Variants in FANCD2 observed in about 807,000 individuals in gnomAD.
FANCD2 encodes FA complementation group D2, also known as Fanconi anemia group D2 protein.
In FANCD2, 131 loss-of-function variants were observed where a neutral mutation model predicts 192.3. The observed-to-expected ratio is 0.68, with a 90% CI of 0.59 to 0.79. FANCD2 has a LOEUF of 0.79. Among genes scored for constraint, FANCD2 ranks in the 30% least tolerant of loss-of-function variants. The pLI is 0.00. For missense variants in FANCD2, 1,508 were observed against 1,701.6 expected (o/e 0.89, Z 2.00); for synonymous variants, 524 against 612.5 (o/e 0.86, Z 2.13).
rs780286320 is a variant in FANCD2 at position 10,063,768 on chromosome 3, A to T, written c.1828-24A>T. Reference sequence around the variant, plus strand: ...GGAAAGATTGGCAGCCCAAGGTTTAAACCATTCTTCCTCTTTGCTCCAGGT... The same window carrying T: ...GGAAAGATTGGCAGCCCAAGGTTTATACCATTCTTCCTCTTTGCTCCAGGT... On this transcript the variant is annotated intron_variant, in intron 20 of 43. Transcript: ENST00000675286. 8.7e-6 allele frequency: 14 copies of T among 1,614,082 alleles called. No homozygotes were observed. In the South Asian group the frequency reaches 1.4e-4, roughly 16 times the overall value.
intron 15 of FANCD2, 42 bp from the exon 16 acceptor site, chr3:10,047,875 T>G: frequency 4.3e-6 from 7 of 1,611,144 alleles, no homozygotes; most frequent in Non-Finnish European, 5.9e-6. Flanking sequence ...TACTAACTGT[T>G]TCCTACAGCT....
At chr3:10,073,073 G>T (rs147420181) in intron 27 of FANCD2, 92 bp downstream of exon 27, 11 of 874,912 alleles carry the variant, frequency 1.3e-5, no homozygotes, top group African/African-American at 3.3e-5. Context: ...TCAGTAATTG[G>T]AACAATTGTA....
At position 10,029,777 on chromosome 3, in the gene FANCD2, C is replaced by CTTGTTG. The variant is rs373948218; in HGVS notation, c.64+1074_64+1079dup. Among the ~76,000 whole-genome samples the CTTGTTG allele has an allele frequency of 2.5e-4, 38 of 151,886 alleles. 1 individual carries two copies. In the East Asian group the frequency reaches 6.4e-3, roughly 26 times the overall value. Reference sequence around the variant, plus strand: ...AGTATCCAAAGTCCATTATATCATTCTTGTTGTTGTTGTTGTTGTTGTTTG... The same window carrying CTTGTTG: ...AGTATCCAAAGTCCATTATATCATTCTTGTTGTTGTTGTTGTTGTTGTTGTTGTTTG... On this transcript the variant is annotated intron_variant, in intron 2 of 43. Coordinates refer to ENST00000675286, the MANE Select transcript of FANCD2 (RefSeq NM_001018115.3).
rs1365024975 is a variant in FANCD2 at position 10,098,679 on chromosome 3, A to T, written c.4186-41A>T. On this transcript the variant is annotated intron_variant, in intron 42 of 43. Transcript: ENST00000675286. ...CTTCTCCCCTATTACCCTAAATGTG[A>T]TCATTATAACCCACCATTTTCTTGG... 3.1e-6 allele frequency: 5 copies of T among 1,610,644 alleles called. No individual in the cohort carries two copies. The African/African-American group carries it at 6.7e-5, about 22-fold the overall frequency.
At chr3:10,062,042 C>G (rs1485470004) in intron 19 of FANCD2, 109 bp from the exon 20 acceptor site, 1 of 716,642 alleles carries the variant, frequency 1.4e-6, no homozygotes, top group African/African-American at 1.8e-5. Flanking sequence ...ATGGGTGCAG[C>G]ACACCAACAT....
At chr3:10,041,827 A>T in intron 10 of FANCD2, 117 bp downstream of exon 10, 2 of 730,202 alleles carry the variant, frequency 2.7e-6, no homozygotes, top group Admixed American at 2.2e-5. Flanking sequence ...ATAGTGAATC[A>T]CATTTGATAT....
rs2125095695 is a variant in FANCD2, at chr3:10,096,477, G to T, written c.4185+5G>T. Reference sequence around the variant, plus strand: ...CTAAAAAACCGGGACTTGCAGGTAAGCCTTGGATCCTGCTAGTGATAATCC... The same window carrying T: ...CTAAAAAACCGGGACTTGCAGGTAATCCTTGGATCCTGCTAGTGATAATCC... On this transcript the variant is annotated splice_donor_5th_base_variant and intron_variant, in intron 42 of 43. Coordinates refer to ENST00000675286, the MANE Select transcript of FANCD2 (RefSeq NM_001018115.3). 1.2e-6 allele frequency: 2 copies of T among 1,613,754 alleles called. No individual in the cohort carries two copies. Among genetic ancestry groups the T allele is most frequent in the Non-Finnish European group, 1.7e-6 (2 of 1,179,690 alleles).
At chr3:10,066,870 G>A (rs1332540584) in intron 25 of FANCD2, among the ~76,000 whole-genome samples, 3 of 152,052 alleles carry the variant, frequency 2.0e-5, no homozygotes, top group Non-Finnish European at 2.9e-5. Flanking sequence ...GATTACAGAT[G>A]TGTGCCACCA....
chr3:10,080,017 C>T (rs1335543489), intron 30 of FANCD2, among the ~76,000 whole-genome samples: 1 of 148,034 alleles, frequency 6.8e-6, no homozygotes. Context: ...TGGGTTCAAG[C>T]GATTCTCCTG....
rs6780327 is a variant in FANCD2, at chr3:10,062,014, A to G, written c.1767-137A>G. On this transcript the variant is annotated intron_variant, in intron 19 of 43. Coordinates refer to ENST00000675286, the MANE Select transcript of FANCD2 (RefSeq NM_001018115.3). ...GGGATAGCATTAGGAGATATACTTA[A>G]TGCTAAATGACGAGTTAATGGGTGC... is the stretch of plus-strand genomic sequence containing the variant. 0.011 allele frequency: 5,986 copies of G among 569,734 alleles called. 306 individuals carry two copies. The highest frequency in any genetic ancestry group is 0.1 in the African/African-American group (5,409 of 51,824). 35.3% of individuals were successfully genotyped at this position (569,734 alleles called of 1,614,324 possible).
chr3:10,093,024 G>T (rs1281276148), intron 38 of FANCD2, among the ~76,000 whole-genome samples: 1 of 152,066 alleles, frequency 6.6e-6, no homozygotes, highest in Non-Finnish European at 1.5e-5. Flanking sequence ...TCAGATCAAG[G>T]TTTTGGACCT....
chr3:10,063,304 G>T (rs959204978), intron 20 of FANCD2, among the ~76,000 whole-genome samples: 6 of 152,046 alleles, frequency 3.9e-5, no homozygotes, highest in Admixed American at 1.3e-4. Context: ...GGACATGGTG[G>T]CAGGCGCCTG....
intron 35 of FANCD2, 28 bp from the exon 36 acceptor site, chr3:10,088,800 T>C (rs1413909810): frequency 1.2e-6 from 2 of 1,612,780 alleles, no homozygotes; most frequent in East Asian, 2.2e-5. Context: ...TGTTAATTAG[T>C]GGGTCAAATA....
At chr3:10,095,045 A>G (rs1375727575) in intron 40 of FANCD2, among the ~76,000 whole-genome samples, 155 bp from the exon 41 acceptor site, 5 of 152,242 alleles carry the variant, frequency 3.3e-5, no homozygotes, top group African/African-American at 1.2e-4. Flanking sequence ...GGTAGCTGCT[A>G]TTCCTCCTAT....
At chr3:10,066,130 A>G (rs1296594316) in intron 25 of FANCD2, 151 bp downstream of exon 25, 2 of 662,918 alleles carry the variant, frequency 3.0e-6, no homozygotes, top group Non-Finnish European at 5.5e-6. Context: ...CCCCAGTTAT[A>G]TGAACCTCCT....
chr3:10,081,135 C>G lies in FANCD2; in HGVS notation c.3012C>G (p.Leu1004=), dbSNP rs773625038. 3.0e-5 allele frequency: 49 copies of G among 1,614,016 alleles called. No homozygotes were observed. The highest frequency in any genetic ancestry group is 4.1e-5 in the Non-Finnish European group (48 of 1,180,016). The change falls in exon 31 of 44, where the codon CTC becomes CTG. Residue 1004 remains leucine, a synonymous_variant. Coordinates refer to ENST00000675286, the MANE Select transcript of FANCD2 (RefSeq NM_001018115.3). ...GCCGGAATATTGGATTCTCACATCT[C>G]CAACAGAGATCTGCCCAAGAAATTG... is the stretch of plus-strand genomic sequence containing the variant. ...KGSRNIGFSH[L]QQRSAQEIVH...
intron 42 of FANCD2, among the ~76,000 whole-genome samples, chr3:10,096,946 G>A (rs193257611): frequency 2.2e-3 from 340 of 152,224 alleles, no homozygotes; most frequent in African/African-American, 7.8e-3. Flanking sequence ...AGTGTCAGCT[G>A]GCTTGAGAAA....
intron 26 of FANCD2, among the ~76,000 whole-genome samples, chr3:10,070,330 T>TG (rs1553612094): frequency 1.5e-5 from 2 of 137,366 alleles, no homozygotes; most frequent in Admixed American, 1.4e-4. Context: ...GGGAGGGAGG[T>TG]GGGGGTCAGG....
intron 7 of FANCD2, among the ~76,000 whole-genome samples, chr3:10,038,223 C>A (rs1355427611): frequency 6.6e-6 from 1 of 152,134 alleles, no homozygotes; most frequent in Non-Finnish European, 1.5e-5. Context: ...AACTCCTGAC[C>A]TCAAGTGATC....
Sources: gnomAD v4.1 joint callset for allele counts (sites outside exome capture counted in the v4.1 genomes callset) on GRCh38, gnomAD v4.1.1 for gene constraint, MANE v1.5 for transcripts, NCBI Gene and HGNC (gene_info 2026-07-23, HGNC 2026-07-21) for gene names.